MAP7: variants seen among roughly 807,000 people sequenced by gnomAD.
MAP7 encodes microtubule associated protein 7.
A neutral mutation model predicts 94.8 loss-of-function variants in MAP7; 52 were observed. The ratio of observed to expected loss-of-function variants is 0.55; its 90% CI spans 0.44 to 0.69. The LOEUF (loss-of-function observed/expected upper bound fraction) is 0.69. Among genes scored for constraint, MAP7 ranks in the 30% least tolerant of loss-of-function variants. MAP7 has a pLI of 0.00. For synonymous variants in MAP7, 350 were observed against 357.0 expected, an observed-to-expected ratio of 0.98 and a Z score of 0.22; for missense variants, 940 against 964.6, an observed-to-expected ratio of 0.97 and a Z score of 0.34.
intron 1 of MAP7, among the ~76,000 whole-genome samples, chr6:136,544,210 C>A (rs1829548547): frequency 6.6e-6 from 1 of 152,226 alleles, no homozygotes; most frequent in Admixed American, 6.5e-5. Flanking sequence ...GCATGAGCCA[C>A]CGCACCTGGA....
rs560656509 is a variant in MAP7 at position 136,550,293 on chromosome 6, C to T, written c.67+49G>A. 2 of 1,426,276 alleles carry T rather than the reference C, an allele frequency of 1.4e-6. No individual in the cohort carries two copies. The highest frequency in any genetic ancestry group is 1.5e-5 in the African/African-American group (1 of 67,940). The allele number at this position is 1,426,276 out of a possible 1,614,324, so 88.4% of individuals were successfully genotyped here. A position where few individuals can be genotyped will look rare whatever the true frequency, so the allele number is the denominator to read the frequency against. ...TCGGTGCCAGCCCGCCGGCCCCGCT[C>T]GCCGTCCCCTGCCCGACGGGACCCC... On this transcript the variant is annotated intron_variant, in intron 1 of 17. Coordinates refer to ENST00000354570, the MANE Select transcript of MAP7 (RefSeq NM_003980.6). This position sits in a 1 kb window ranked among gnomAD's most constrained non-coding sequence, Gnocchi z 5.1.
intron 4 of MAP7, 77 bp downstream of exon 4, chr6:136,389,277 C>G (rs1345276274): frequency 2.0e-6 from 3 of 1,494,664 alleles, no homozygotes; most frequent in African/African-American, 1.4e-5. Flanking sequence ...CTGCACCTGA[C>G]TGCAAAGTTT....
chr6:136,502,741 T>A (rs758307880), intron 1 of MAP7, among the ~76,000 whole-genome samples: 5 of 152,246 alleles, frequency 3.3e-5, no homozygotes, highest in African/African-American at 7.2e-5. Context: ...CTTAGTTTGA[T>A]ATGCTTACTC....
chr6:136,442,878 C>T (rs1028332), intron 1 of MAP7, among the ~76,000 whole-genome samples: 114,219 of 152,048 alleles, frequency 0.75, 44,278 homozygotes, highest in Middle Eastern at 0.85. Context: ...AGTTTTTGTG[C>T]TTTGGATTCC....
intron 3 of MAP7, among the ~76,000 whole-genome samples, chr6:136,402,905 CAAAAAAAAAAAAAAAAAAAAA>C (rs57114676): frequency 1.5e-5 from 1 of 67,396 alleles, no homozygotes; most frequent in Admixed American, 2.1e-4. Flanking sequence ...GACTCTGTCT[CAAAAAAAAAAAAAAAAAAAAA>C]AAAAAAAAAA....
intron 1 of MAP7, among the ~76,000 whole-genome samples, chr6:136,485,418 A>T (rs1814318688): frequency 6.6e-6 from 1 of 152,164 alleles, no homozygotes. Context: ...TGTGGCAGTA[A>T]ATTCTCTTTG....
At chr6:136,365,431 TG>T (rs1248735716) in intron 10 of MAP7, among the ~76,000 whole-genome samples, 1 of 152,172 alleles carries the variant, frequency 6.6e-6, no homozygotes, top group Non-Finnish European at 1.5e-5. Flanking sequence ...TGAAAACCAG[TG>T]GGTCTTCTGG....
intron 2 of MAP7, among the ~76,000 whole-genome samples, chr6:136,413,888 G>A (rs73565448): frequency 0.01 from 1,543 of 152,152 alleles, 20 homozygotes; most frequent in East Asian, 0.039. Flanking sequence ...CAGTAAAGAC[G>A]CCCCTTAGGA....
chr6:136,414,811 T>A (rs1358331470), intron 2 of MAP7, among the ~76,000 whole-genome samples: 1 of 148,968 alleles, frequency 6.7e-6, no homozygotes, highest in Non-Finnish European at 1.5e-5. Flanking sequence ...TCAGCTAATT[T>A]TTTTTTTTTT....
intron 15 of MAP7, among the ~76,000 whole-genome samples, chr6:136,357,449 C>T (rs1374059780): frequency 6.6e-6 from 1 of 152,192 alleles, no homozygotes; most frequent in East Asian, 1.9e-4. Context: ...ATGGTTTCAG[C>T]TTGATGTGAG....
At chr6:136,530,995 T>C (rs1268548336) in intron 1 of MAP7, among the ~76,000 whole-genome samples, 1 of 144,824 alleles carries the variant, frequency 6.9e-6, no homozygotes, top group Non-Finnish European at 1.5e-5. Context: ...GGGATTCATT[T>C]ATACAAATGT....
intron 10 of MAP7, among the ~76,000 whole-genome samples, chr6:136,365,314 T>G (rs1021269767): frequency 6.6e-5 from 10 of 152,198 alleles, no homozygotes; most frequent in Admixed American, 3.9e-4. Flanking sequence ...AAATTAAGTC[T>G]TAAGTAGAAA....
At position 136,511,408 on chromosome 6, in the gene MAP7, T is replaced by C. The variant is rs569963735; in HGVS notation, c.67+38934A>G. 7.0e-4 allele frequency among the ~76,000 whole-genome samples: 107 copies of C among 152,306 alleles called. 1 individual carries two copies. Among genetic ancestry groups the C allele is most frequent in the Non-Finnish European group, 1.4e-3 (94 of 68,030 alleles). On this transcript the variant is annotated intron_variant, in intron 1 of 17. Coordinates refer to ENST00000354570, the MANE Select transcript of MAP7 (RefSeq NM_003980.6). Reference sequence around the variant, plus strand: ...AGGTTTTGAATCCTAATATCTCAGTTGCCACTTTGCATCTTTACAGTGCTG... The same window carrying C: ...AGGTTTTGAATCCTAATATCTCAGTCGCCACTTTGCATCTTTACAGTGCTG...
At chr6:136,392,715 A>G (rs1263468836) in intron 3 of MAP7, among the ~76,000 whole-genome samples, 1 of 152,190 alleles carries the variant, frequency 6.6e-6, no homozygotes, top group Non-Finnish European at 1.5e-5. Context: ...TCCTCTGTGG[A>G]GGTCATACCA....
chr6:136,523,525 T>C (rs1019660865), intron 1 of MAP7, among the ~76,000 whole-genome samples: 3 of 152,254 alleles, frequency 2.0e-5, no homozygotes, highest in Non-Finnish European at 4.4e-5. Context: ...AAAGTGAATA[T>C]TCCTATTGTT....
At chr6:136,526,436 A>C (rs1379857233) in intron 1 of MAP7, 10 of 987,220 alleles carry the variant, frequency 1.0e-5, no homozygotes, top group African/African-American at 3.5e-5. Flanking sequence ...ACACAGTAAA[A>C]TATTCAGCCC....
chr6:136,411,797 A>G, intron 2 of MAP7, 100 bp from the exon 3 acceptor site: 1 of 926,964 alleles, frequency 1.1e-6, no homozygotes, highest in Non-Finnish European at 1.6e-6. Context: ...AATCTGAAGA[A>G]TAATATATTG....
chr6:136,500,268 A>C (rs1293029036), intron 1 of MAP7, among the ~76,000 whole-genome samples: 1 of 152,246 alleles, frequency 6.6e-6, no homozygotes, highest in Non-Finnish European at 1.5e-5. Context: ...AATTATCCCA[A>C]TAAAAATTTC....
At chr6:136,364,180 T>C (rs971975347) in intron 10 of MAP7, 2 of 506,284 alleles carry the variant, frequency 4.0e-6, no homozygotes, top group African/African-American at 3.9e-5. Flanking sequence ...TCGGCCCTCA[T>C]TCTGCATGAG....
Sources: allele counts gnomAD v4.1 joint callset (sites outside exome capture counted in the v4.1 genomes callset), GRCh38; gene constraint gnomAD v4.1.1; non-coding constraint Gnocchi (gnomAD v3.1); transcripts MANE v1.5; gene names NCBI Gene and HGNC (gene_info 2026-07-23, HGNC 2026-07-21).